The following PTPRM variants were observed in gnomAD, a reference collection of about 807,000 sequenced individuals.
PTPRM encodes the protein receptor-type tyrosine-protein phosphatase mu.
In PTPRM, 47 loss-of-function variants were observed where a neutral mutation model predicts 186.7. The ratio of observed to expected loss-of-function variants is 0.25; its 90% CI spans 0.20 to 0.32. PTPRM has a LOEUF of 0.32. Ranked by LOEUF, PTPRM falls within the 10% of genes least tolerant of loss-of-function variation. The pLI is 1.00. For synonymous variants in PTPRM, 668 were observed against 674.9 expected (o/e 0.99, Z 0.16); for missense variants, 1,494 against 1,865.0 (o/e 0.80, Z 3.66).
At chr18:8,285,870 T>C (rs1418742043) in intron 19 of PTPRM, among the ~76,000 whole-genome samples, 1 of 152,094 alleles carries the variant, frequency 6.6e-6, no homozygotes, top group Non-Finnish European at 1.5e-5. Flanking sequence ...TGTGTACCTG[T>C]AGTCCTAGCT....
At chr18:7,822,752 T>C (rs1163013802) in intron 2 of PTPRM, among the ~76,000 whole-genome samples, 1 of 152,170 alleles carries the variant, frequency 6.6e-6, no homozygotes, top group Non-Finnish European at 1.5e-5. Context: ...CTACTCTGCC[T>C]TCTTAGTTTT....
chr18:7,845,774 A>G lies in PTPRM; in HGVS notation c.197-42332A>G, dbSNP rs550069703. 2.0e-5 allele frequency among the ~76,000 whole-genome samples: 3 copies of G among 152,200 alleles called. No individual in the cohort carries two copies. The South Asian group carries it at 6.2e-4, about 32-fold the overall frequency. On this transcript the variant is annotated intron_variant, in intron 2 of 32. Transcript: ENST00000580170. ...CTGTGGTGGTCCTCCGTGTCCATAC[A>G]TAATAGTGCAGTTTTGCAGGTGGGA...
chr18:8,269,104 G>T (rs1231816329), intron 19 of PTPRM, among the ~76,000 whole-genome samples: 1 of 151,926 alleles, frequency 6.6e-6, no homozygotes, highest in Non-Finnish European at 1.5e-5. Flanking sequence ...ATCCAAATTG[G>T]AAAGGAAGAA....
chr18:8,132,245 T>G (rs2092529584), intron 13 of PTPRM, among the ~76,000 whole-genome samples: 1 of 152,220 alleles, frequency 6.6e-6, no homozygotes, highest in African/African-American at 2.4e-5. Flanking sequence ...GTGATTGTAG[T>G]ACCAATTCAG....
chr18:7,580,515 G>A (rs2071095297), intron 1 of PTPRM, among the ~76,000 whole-genome samples: 1 of 152,204 alleles, frequency 6.6e-6, no homozygotes, highest in South Asian at 2.1e-4. Context: ...GTTAAGGCCT[G>A]TGGCTTTCTT....
At chr18:8,050,700 T>G (rs560824997) in intron 7 of PTPRM, among the ~76,000 whole-genome samples, 42 of 152,218 alleles carry the variant, frequency 2.8e-4, no homozygotes, top group African/African-American at 9.4e-4. Context: ...ATAAACCTCG[T>G]AGATTTGTGT....
intron 23 of PTPRM, among the ~76,000 whole-genome samples, chr18:8,360,420 C>T (rs1364210828): frequency 1.3e-5 from 2 of 152,106 alleles, no homozygotes; most frequent in Non-Finnish European, 2.9e-5. Flanking sequence ...TCATACCCGA[C>T]AAGAAGATAG....
rs115391113 is a variant in PTPRM, at chr18:8,216,379, A to G, written c.2301-27679A>G. On this transcript the variant is annotated intron_variant, in intron 14 of 32. Coordinates refer to ENST00000580170, the MANE Select transcript of PTPRM (RefSeq NM_001105244.2). ...CATCCTATTTTAATTAATCTCAATA[A>G]CAAATAACTTGTTCAATTCTAGAAC... Among the ~76,000 whole-genome samples the G allele has an allele frequency of 5.4e-3, 819 of 152,320 alleles. 8 individuals are homozygous for G. Among genetic ancestry groups the G allele is most frequent in the African/African-American group, 0.019 (771 of 41,578 alleles).
At chr18:8,238,897 G>A (rs2094382755) in intron 14 of PTPRM, among the ~76,000 whole-genome samples, 1 of 151,354 alleles carries the variant, frequency 6.6e-6, no homozygotes, top group Non-Finnish European at 1.5e-5. Flanking sequence ...GCTAACGTGG[G>A]ATGGAGTTGT....
At chr18:8,087,006 G>A (rs1248406707) in intron 10 of PTPRM, among the ~76,000 whole-genome samples, 1 of 152,044 alleles carries the variant, frequency 6.6e-6, no homozygotes, top group East Asian at 1.9e-4. Context: ...GACACAGATT[G>A]AAGAAAATGG....
chr18:8,137,555 G>T (rs1295001458), intron 13 of PTPRM, among the ~76,000 whole-genome samples: 8 of 152,148 alleles, frequency 5.3e-5, no homozygotes, highest in Admixed American at 3.3e-4. Flanking sequence ...TTGCTGCCCA[G>T]TTGTTCTCAA....
chr18:8,111,878 A>G (rs1331969349), intron 11 of PTPRM, among the ~76,000 whole-genome samples: 2 of 152,192 alleles, frequency 1.3e-5, no homozygotes, highest in East Asian at 3.9e-4. Flanking sequence ...TACCCCTCCA[A>G]AAGCGATTTC....
intron 2 of PTPRM, among the ~76,000 whole-genome samples, chr18:7,886,875 T>G (rs2146337503): frequency 6.6e-6 from 1 of 152,358 alleles, no homozygotes; most frequent in South Asian, 2.1e-4. Context: ...ATACTTACAG[T>G]CATTCTTTGG....
In PTPRM at chr18:7,744,133, A is replaced by T. The variant is rs1385365193; in HGVS notation, c.74-30016A>T. Among the ~76,000 whole-genome samples the T allele has an allele frequency of 7.2e-5, 11 of 152,204 alleles. 1 individual carries two copies. On this transcript the variant is annotated intron_variant, in intron 1 of 32. Transcript: ENST00000580170. ...TGAAAACTAAGTAAAATCAGGTTTG[A>T]AAAAATTAGACCACATATCTCTACA...
chr18:7,886,147 G>C (rs1242530451), intron 2 of PTPRM, among the ~76,000 whole-genome samples: 2 of 152,228 alleles, frequency 1.3e-5, no homozygotes, highest in East Asian at 3.8e-4. Flanking sequence ...TGTGGTAACT[G>C]TTGTAGATAA....
At chr18:7,841,223 T>C (rs916284691) in intron 2 of PTPRM, among the ~76,000 whole-genome samples, 1 of 151,748 alleles carries the variant, frequency 6.6e-6, no homozygotes, top group African/African-American at 2.4e-5. Flanking sequence ...AGGAATAGAA[T>C]AGTTGTATTT....
intron 3 of PTPRM, among the ~76,000 whole-genome samples, chr18:7,897,601 T>C (rs1314056067): frequency 6.6e-6 from 1 of 152,182 alleles, no homozygotes; most frequent in Non-Finnish European, 1.5e-5. Flanking sequence ...TGCGTGATTG[T>C]TTTCACCCTC....
intron 10 of PTPRM, among the ~76,000 whole-genome samples, chr18:8,087,701 GAAAT>G (rs2090501617): frequency 6.6e-6 from 1 of 152,068 alleles, no homozygotes; most frequent in East Asian, 1.9e-4. Flanking sequence ...TAAGAGAATT[GAAAT>G]AAATTTTAAT....
At position 8,143,687 on chromosome 18, in the gene PTPRM, G is replaced by A. The variant is rs755351256; in HGVS notation, c.2208G>A (p.Gln736=). The stretch of plus-strand genomic sequence containing the variant: ...AACCAGTCCCAGAACCCGAGAAACA[G>A]ACAGACCATACAGTTAAAATTGCTG... ...TPKPVPEPEK[Q]TDHTVKIAGV... Residue 736 remains glutamine, a synonymous_variant, in exon 14 of 33, where the codon CAG becomes CAA. Coordinates refer to ENST00000580170, the MANE Select transcript of PTPRM (RefSeq NM_001105244.2). 3.1e-6 allele frequency: 5 copies of A among 1,609,066 alleles called. No individual in the cohort carries two copies. The African/African-American group carries it at 4.0e-5, about 13-fold the overall frequency.
Sources: gnomAD v4.1 joint callset for allele counts (sites outside exome capture counted in the v4.1 genomes callset) on GRCh38, gnomAD v4.1.1 for gene constraint, MANE v1.5 for transcripts, NCBI Gene and HGNC (gene_info 2026-07-23, HGNC 2026-07-21) for gene names.